ACTL8: variants seen among roughly 807,000 people sequenced by gnomAD.
ACTL8 encodes the protein actin-like protein 8.
In ACTL8, 3 loss-of-function variants were observed where a neutral mutation model predicts 9.3. The observed-to-expected ratio is 0.32, with a 90% CI of 0.15 to 0.83. The LOEUF (loss-of-function observed/expected upper bound fraction) is 0.83. Ranked by LOEUF, ACTL8 falls within the 40% of genes least tolerant of loss-of-function variation. ACTL8 has a pLI of 0.57. For missense variants in ACTL8, 381 were observed against 492.2 expected (o/e 0.77, Z 2.14); for synonymous variants, 224 against 205.9 (o/e 1.09, Z -0.75).
In ACTL8 at chr1:17,826,713, A is replaced by G; in HGVS notation, c.*194A>G. 2 of 492,688 alleles carry G rather than the reference A, an allele frequency of 4.1e-6. No individual in the cohort carries two copies. The highest frequency in any genetic ancestry group is 3.3e-5 in the East Asian group (1 of 30,488). 30.5% of individuals were successfully genotyped at this position (492,688 alleles called of 1,614,324 possible). On this transcript the variant is annotated 3_prime_UTR_variant, in exon 3 of 3. Coordinates refer to ENST00000375406, the MANE Select transcript of ACTL8 (RefSeq NM_030812.3). The surrounding 1 kb of genome is among the most constrained non-coding windows in gnomAD (Gnocchi z 4.5). ...AAGAGTGGGACCTACCCAAGGGGGA[A>G]GACAAGATGTCATCCTTGGAAACCC...
chr1:17,826,377 TCTC>T lies in ACTL8; in HGVS notation c.964_966del (p.Ser322del), dbSNP rs1557451072. On this transcript the variant is annotated inframe_deletion, in exon 3 of 3. Transcript: ENST00000375406. This position sits in a 1 kb window ranked among gnomAD's most constrained non-coding sequence, Gnocchi z 4.5. ...TTCAGGGAGCTGATGGGGGATCACG[TCTC>T]CTCCACCAAGGCCACAGTCTGGGAG... The T allele has an allele frequency of 3.1e-6, 5 of 1,613,952 alleles. No homozygotes were observed. Among genetic ancestry groups the T allele is most frequent in the Middle Eastern group, 1.6e-4 (1 of 6,062 alleles).
intron 1 of ACTL8, among the ~76,000 whole-genome samples, chr1:17,785,812 CA>C (rs1485413520): frequency 6.6e-6 from 1 of 152,154 alleles, no homozygotes; most frequent in Non-Finnish European, 1.5e-5. Context: ...AGGCTGAAAA[CA>C]GCATTAATTT....
chr1:17,793,346 C>A (rs1281206567), intron 1 of ACTL8, among the ~76,000 whole-genome samples: 1 of 152,206 alleles, frequency 6.6e-6, no homozygotes, highest in East Asian at 1.9e-4. Context: ...ACTGTGTGCA[C>A]AGCCTGTGCA....
intron 1 of ACTL8, among the ~76,000 whole-genome samples, chr1:17,788,533 C>G (rs997073349): frequency 6.6e-6 from 1 of 152,248 alleles, no homozygotes; most frequent in Non-Finnish European, 1.5e-5. Context: ...CATCCCTTTA[C>G]CCCGTACAAA....
At chr1:17,806,109 C>T (rs184064038) in intron 1 of ACTL8, among the ~76,000 whole-genome samples, 28 of 152,274 alleles carry the variant, frequency 1.8e-4, no homozygotes, top group African/African-American at 6.5e-4. Context: ...TTTACACAGC[C>T]GGGATGTCGA....
chr1:17,822,510 TCTG>T (rs1249851951), intron 1 of ACTL8, among the ~76,000 whole-genome samples: 2 of 152,208 alleles, frequency 1.3e-5, no homozygotes, highest in South Asian at 2.1e-4. Context: ...AATGCCTGCT[TCTG>T]CTGCTGTTGC....
chr1:17,792,823 G>A (rs2102688577), intron 1 of ACTL8, among the ~76,000 whole-genome samples: 1 of 152,316 alleles, frequency 6.6e-6, no homozygotes, highest in African/African-American at 2.4e-5. Context: ...GAGAAGGCAA[G>A]GACAGAAGAC....
chr1:17,773,475 A>G (rs1173449228), intron 1 of ACTL8, among the ~76,000 whole-genome samples: 1 of 152,232 alleles, frequency 6.6e-6, no homozygotes, highest in Non-Finnish European at 1.5e-5. Context: ...CTCTTCTAAA[A>G]TAGCCAAATA....
chr1:17,825,657 C>A, intron 2 of ACTL8, 110 bp from the exon 3 acceptor site: 1 of 1,416,086 alleles, frequency 7.1e-7, no homozygotes, highest in South Asian at 1.4e-5. Flanking sequence ...GGCGCAGCAT[C>A]CTGGGGCAGC....
chr1:17,764,628 C>T (rs1408279220), intron 1 of ACTL8, among the ~76,000 whole-genome samples: 5 of 152,176 alleles, frequency 3.3e-5, no homozygotes, highest in African/African-American at 2.4e-5. Context: ...GCCTCGTCCT[C>T]CTTGTGTCGC....
chr1:17,778,662 C>T (rs1011250783), intron 1 of ACTL8, among the ~76,000 whole-genome samples: 3 of 152,098 alleles, frequency 2.0e-5, no homozygotes, highest in Non-Finnish European at 2.9e-5. Context: ...AAGTTAATTC[C>T]CTACTCCGGG....
In ACTL8 at chr1:17,826,366, G is replaced by C. The variant is rs772149058; in HGVS notation, c.948G>C (p.Met316Ile). The C allele has an allele frequency of 6.2e-7, 1 of 1,614,012 alleles. No homozygotes were observed. The highest frequency in any genetic ancestry group is 1.3e-5 in the African/African-American group (1 of 74,924). Residue 316 changes from methionine (M) to isoleucine (I), a missense_variant, in exon 3 of 3, where the codon ATG becomes ATC. By Grantham distance (10) the Met-to-Ile change is conservative (BLOSUM62 1). This residue lies in a region of ACTL8 where 243 missense variants were observed against 276.2 expected (regional missense o/e 0.88). Transcript: ENST00000375406. This position sits in a 1 kb window ranked among gnomAD's most constrained non-coding sequence, Gnocchi z 4.5. Reference protein sequence around the residue: ...GFTKRLFRELMGDHVSSTKAT... With the variant: ...GFTKRLFRELIGDHVSSTKAT... ...CAAAGCGCCTGTTCAGGGAGCTGAT[G>C]GGGGATCACGTCTCCTCCACCAAGG...
intron 1 of ACTL8, among the ~76,000 whole-genome samples, chr1:17,805,837 G>C (rs569261193): frequency 1.3e-4 from 20 of 152,264 alleles, no homozygotes; most frequent in Middle Eastern, 6.8e-3. Context: ...AGTATTTGTT[G>C]AGAGCTGTAA....
At chr1:17,777,859 G>A (rs906689021) in intron 1 of ACTL8, among the ~76,000 whole-genome samples, 10 of 152,240 alleles carry the variant, frequency 6.6e-5, no homozygotes, top group Non-Finnish European at 1.2e-4. Context: ...CACCATGCCC[G>A]GCTAATTTTT....
chr1:17,762,007 C>T (rs944878676), intron 1 of ACTL8, among the ~76,000 whole-genome samples: 1 of 152,086 alleles, frequency 6.6e-6, no homozygotes, highest in Non-Finnish European at 1.5e-5. Flanking sequence ...ATCCCAGATG[C>T]TCCTGCCTTC....
At chr1:17,764,735 C>T (rs562732850) in intron 1 of ACTL8, among the ~76,000 whole-genome samples, 2 of 152,360 alleles carry the variant, frequency 1.3e-5, no homozygotes, top group South Asian at 4.1e-4. Flanking sequence ...AAAAGAAATT[C>T]CACTTGTCTT....
chr1:17,809,216 G>T (rs2066378049), intron 1 of ACTL8, among the ~76,000 whole-genome samples: 1 of 152,146 alleles, frequency 6.6e-6, no homozygotes, highest in East Asian at 1.9e-4. Context: ...CTTGGGAGAG[G>T]TAGACAACAG....
intron 1 of ACTL8, among the ~76,000 whole-genome samples, chr1:17,786,343 G>A (rs962260794): frequency 1.3e-5 from 2 of 152,232 alleles, no homozygotes; most frequent in South Asian, 4.1e-4. Context: ...CACTGGGTTC[G>A]CCTTCAGGCG....
chr1:17,804,764 C>A (rs143126820), intron 1 of ACTL8, among the ~76,000 whole-genome samples: 2 of 152,034 alleles, frequency 1.3e-5, no homozygotes, highest in African/African-American at 4.8e-5. Context: ...TATAGGCACA[C>A]ACCACCAAGC....
Sources: allele counts gnomAD v4.1 joint callset (sites outside exome capture counted in the v4.1 genomes callset), GRCh38; gene constraint gnomAD v4.1.1; regional missense constraint gnomAD v4.1.1; non-coding constraint Gnocchi (gnomAD v3.1); transcripts MANE v1.5; gene names NCBI Gene and HGNC (gene_info 2026-07-23, HGNC 2026-07-21).